USP38: variants seen among roughly 807,000 people sequenced by gnomAD.
USP38 encodes the protein ubiquitin specific peptidase 38.
A neutral mutation model predicts 94.3 loss-of-function variants in USP38; 49 were observed. That is an observed-to-expected ratio of 0.52 (90% CI 0.41 to 0.66). The LOEUF is 0.66. USP38 is among the 30% of genes least tolerant of loss of function. The pLI is 0.00. For synonymous variants in USP38, 468 were observed against 463.6 expected (o/e 1.01, Z -0.12); for missense variants, 1,128 against 1,229.4 (o/e 0.92, Z 1.23).
chr4:143,214,546 A>G lies in USP38; in HGVS notation c.2570A>G (p.His857Arg), dbSNP rs760590717. The change falls in exon 9 of 10, where the codon CAT becomes CGT. Residue 857 changes from histidine (H) to arginine (R), a missense_variant. Transcript: ENST00000307017. ...TCTGGTATATCCTCTGAAAGTGGGC[A>G]TTACTATTCTTATGCCAGGAATATC... Reference protein sequence around the residue: ...VHSGISSESGHYYSYARNITS... With the variant: ...VHSGISSESGRYYSYARNITS... The G allele has an allele frequency of 1.9e-6, 3 of 1,613,492 alleles. No homozygotes were observed. The highest frequency in any genetic ancestry group is 2.7e-5 in the African/African-American group (2 of 74,896).
At chr4:143,186,153 G>A (rs956388559) in intron 1 of USP38, 21 bp downstream of exon 1, 3 of 1,605,264 alleles carry the variant, frequency 1.9e-6, no homozygotes, top group African/African-American at 2.7e-5. Flanking sequence ...TTATCTTTCA[G>A]AATATCTCAT....
chr4:143,192,665 G>C (rs1196569334), intron 2 of USP38, among the ~76,000 whole-genome samples: 1 of 151,562 alleles, frequency 6.6e-6, no homozygotes, highest in African/African-American at 2.4e-5. Context: ...AAGAGCAGGG[G>C]TGCCCCCTTC....
chr4:143,206,625 G>A (rs112090426), intron 6 of USP38, among the ~76,000 whole-genome samples: 18,512 of 152,188 alleles, frequency 0.12, 1,387 homozygotes, highest in Middle Eastern at 0.17. Flanking sequence ...AGGAGGCAGA[G>A]GTTGCAGTGA....
In USP38 at chr4:143,203,509, G is replaced by A; in HGVS notation, c.1152G>A (p.Met384Ile). The change falls in exon 5 of 10, where the codon ATG (methionine) becomes ATA (isoleucine). Residue 384 changes from methionine to isoleucine, a missense_variant. Transcript: ENST00000307017. ...LVQLTELIHC[M>I]MYHYSGFPDL... is the part of the protein sequence containing the mutation. ...AATTAACAGAATTGATACACTGTAT[G>A]ATGTATCATTATTCTGGATTTCCAG... The A allele has an allele frequency of 6.2e-7, 1 of 1,611,988 alleles. No homozygotes were observed. The highest frequency in any genetic ancestry group is 1.1e-5 in the South Asian group (1 of 90,936).
At chr4:143,194,278 CA>C (rs1731481167) in intron 2 of USP38, among the ~76,000 whole-genome samples, 3 of 152,190 alleles carry the variant, frequency 2.0e-5, no homozygotes, top group Admixed American at 2.0e-4. Context: ...TTAATCTTCA[CA>C]ACAGTGCTAT....
rs1447428796 is a variant in USP38 at position 143,223,833 on chromosome 4, T to A, written c.*3377T>A. ...TCATAAAAATGTGATAGTTTATATATCCTTTCATCATACGTTTTTTCTAAT... is the reference window on the plus strand; with the variant it reads ...TCATAAAAATGTGATAGTTTATATAACCTTTCATCATACGTTTTTTCTAAT... On this transcript the variant is annotated 3_prime_UTR_variant, in exon 10 of 10. Transcript: ENST00000307017. 1.3e-5 allele frequency: 2 copies of A among 152,124 alleles called. No homozygotes were observed. The highest frequency in any genetic ancestry group is 2.9e-5 in the Non-Finnish European group (2 of 67,990). The allele number at this position is 152,124 out of a possible 1,614,324, so 9.4% of individuals were successfully genotyped here.
At position 143,185,792 on chromosome 4, in the gene USP38, T is replaced by G. The variant is rs1345352548; in HGVS notation, c.342T>G (p.Ile114Met). 1.2e-6 allele frequency: 2 copies of G among 1,614,186 alleles called. No homozygotes were observed. The highest frequency in any genetic ancestry group is 1.7e-6 in the Non-Finnish European group (2 of 1,180,032). ...ACATTCACAACGGCCTGAAGCTGAT[T>G]ATGAGCTGTCCGTCGGTGCTGGATC... ...LDYIHNGLKLIMSCPSVLDLF... is the reference protein window; with the variant it reads ...LDYIHNGLKLMMSCPSVLDLF... The change falls in exon 1 of 10, where the codon ATT becomes ATG. Residue 114 changes from isoleucine to methionine, a missense_variant. Ile to Met is a conservative substitution (Grantham distance 10). Transcript: ENST00000307017.
In USP38 at chr4:143,185,345, C is replaced by G; in HGVS notation, c.-106C>G. The G allele has an allele frequency of 1.6e-6, 2 of 1,289,260 alleles. No homozygotes were observed. The highest frequency in any genetic ancestry group is 2.1e-6 in the Non-Finnish European group (2 of 957,148). 79.9% of individuals were successfully genotyped at this position (1,289,260 alleles called of 1,614,324 possible). A position where few individuals can be genotyped will look rare whatever the true frequency, so the allele number is the denominator to read the frequency against. On this transcript the variant is annotated 5_prime_UTR_variant, in exon 1 of 10. Transcript: ENST00000307017. The stretch of plus-strand genomic sequence containing the variant: ...GTGGCCGTGGCCCGTCGCGCTGCTG[C>G]TGCGGCGCTCCAAGTTCATCTCCGC...
At chr4:143,218,934 CT>C (rs1287459087) in intron 9 of USP38, among the ~76,000 whole-genome samples, 2 of 152,012 alleles carry the variant, frequency 1.3e-5, no homozygotes, top group African/African-American at 4.8e-5. Flanking sequence ...TCTGATGTTA[CT>C]TATGGCACTT....
Position 143,220,294 on chromosome 4 carries a change from G to C in USP38, c.2968-1G>C. The C allele has an allele frequency of 6.2e-7, 1 of 1,600,254 alleles. No individual in the cohort carries two copies. Among genetic ancestry groups the C allele is most frequent in the Non-Finnish European group, 8.5e-7 (1 of 1,175,012 alleles). Reference sequence around the variant, plus strand: ...TTCATAAAAGTTATTTTTAATTTTAGGAACAAGAGTTGAATGCTCGAGCCC... The same window carrying C: ...TTCATAAAAGTTATTTTTAATTTTACGAACAAGAGTTGAATGCTCGAGCCC... On this transcript the variant is annotated splice_acceptor_variant, in intron 9 of 9. Coordinates refer to ENST00000307017, the MANE Select transcript of USP38 (RefSeq NM_032557.6). LOFTEE classifies it high-confidence loss of function.
Position 143,185,703 on chromosome 4 carries a change from G to T in USP38, c.253G>T (p.Val85Leu). ...CGAGTCCTTCTTCAACAAGACCTTC[G>T]TGTTGGGCCTCCTTCATCAGGGCTA... ...EFESFFNKTF[V>L]LGLLHQGYHS... The change falls in exon 1 of 10, where the codon GTG becomes TTG. Residue 85 changes from valine to leucine, a missense_variant. Coordinates refer to ENST00000307017, the MANE Select transcript of USP38 (RefSeq NM_032557.6). 6 of 1,614,154 alleles carry T rather than the reference G, an allele frequency of 3.7e-6. No individual in the cohort carries two copies. Among genetic ancestry groups the T allele is most frequent in the Non-Finnish European group, 5.1e-6 (6 of 1,180,018 alleles).
In USP38 at chr4:143,185,978, C is replaced by T; in HGVS notation, c.528C>T (p.Gly176=). ...GTCAACAGCTGGTTCGAACGATAGG[C>T]CATTTCCAGTGCGTGTCCACCCAGG... ...TFCQQLVRTI[G]HFQCVSTQER... Residue 176 remains glycine, a synonymous_variant, in exon 1 of 10, where the codon GGC becomes GGT. Transcript: ENST00000307017. 6.2e-7 allele frequency: 1 copy of T among 1,614,160 alleles called. No homozygotes were observed. The highest frequency in any genetic ancestry group is 1.1e-5 in the South Asian group (1 of 91,080).
chr4:143,214,982 A>C, intron 9 of USP38, 39 bp downstream of exon 9: 3 of 1,573,492 alleles, frequency 1.9e-6, no homozygotes, highest in Non-Finnish European at 2.6e-6. Flanking sequence ...TGAAAATATT[A>C]AACAATTGAC....
chr4:143,203,635 C>G, intron 5 of USP38, 69 bp downstream of exon 5: 3 of 1,459,056 alleles, frequency 2.1e-6, no homozygotes, highest in Non-Finnish European at 2.8e-6. Context: ...TTCTTATAAC[C>G]AGCTACTCAA....
intron 8 of USP38, among the ~76,000 whole-genome samples, chr4:143,212,741 TC>T (rs1218614874): frequency 1.3e-5 from 2 of 152,086 alleles, no homozygotes; most frequent in Non-Finnish European, 1.5e-5. Context: ...ATATGCTTCA[TC>T]CAAAAAACAT....
At chr4:143,208,543 T>C (rs1360961731) in intron 6 of USP38, among the ~76,000 whole-genome samples, 1 of 152,142 alleles carries the variant, frequency 6.6e-6, no homozygotes, top group Non-Finnish European at 1.5e-5. Flanking sequence ...GAAAAATGTC[T>C]CTTAATTTGC....
intron 2 of USP38, among the ~76,000 whole-genome samples, chr4:143,191,041 A>T (rs1731382720): frequency 6.6e-6 from 1 of 151,850 alleles, no homozygotes; most frequent in Admixed American, 6.6e-5. Context: ...TTTCCAGTGT[A>T]GCCTGCGTGA....
intron 4 of USP38, among the ~76,000 whole-genome samples, chr4:143,203,065 G>A (rs539549219): frequency 6.3e-4 from 95 of 151,768 alleles, no homozygotes; most frequent in African/African-American, 1.9e-3. Context: ...TATTCCCATT[G>A]AATGACCTGG....
intron 6 of USP38, among the ~76,000 whole-genome samples, chr4:143,208,643 A>G (rs1731937343): frequency 6.6e-6 from 1 of 151,510 alleles, no homozygotes; most frequent in South Asian, 2.1e-4. Flanking sequence ...TTTTCTTTGT[A>G]CATCTTTTTG....
Sources: allele counts gnomAD v4.1 joint callset (sites outside exome capture counted in the v4.1 genomes callset), GRCh38; gene constraint gnomAD v4.1.1; transcripts MANE v1.5; gene names NCBI Gene and HGNC (gene_info 2026-07-23, HGNC 2026-07-21).